The following TRIP12 variants were observed in gnomAD, a reference collection of about 807,000 sequenced individuals.
The protein encoded by TRIP12 is E3 ubiquitin-protein ligase TRIP12.
A neutral mutation model predicts 244.2 loss-of-function variants in TRIP12; 25 were observed. The observed-to-expected ratio is 0.10, with a 90% CI of 0.07 to 0.14. The LOEUF (loss-of-function observed/expected upper bound fraction) is 0.14. Among genes scored for constraint, TRIP12 ranks in the 10% least tolerant of loss-of-function variants. TRIP12 has a pLI of 1.00. For missense variants in TRIP12, 1,677 were observed against 2,486.4 expected (o/e 0.67, Z 6.92); for synonymous variants, 905 against 873.1 (o/e 1.04, Z -0.64).
At chr2:229,789,902 A>C in intron 30 of TRIP12, 140 bp from the exon 31 acceptor site, 1 of 899,486 alleles carries the variant, frequency 1.1e-6, no homozygotes, top group Non-Finnish European at 1.6e-6. Flanking sequence ...GGTATTGATA[A>C]GTTTGACAAT....
At chr2:229,860,832 C>T (rs1441917471) in intron 2 of TRIP12, among the ~76,000 whole-genome samples, 5 of 152,042 alleles carry the variant, frequency 3.3e-5, no homozygotes, top group Non-Finnish European at 5.9e-5. Flanking sequence ...AATTTTAGTG[C>T]AGATATTCAA....
At chr2:229,788,194 A>G (rs1314315807) in intron 32 of TRIP12, among the ~76,000 whole-genome samples, 1 of 152,232 alleles carries the variant, frequency 6.6e-6, no homozygotes, top group African/African-American at 2.4e-5. Flanking sequence ...TCAATGCAGA[A>G]TCTGATATTT....
At chr2:229,891,255 T>C (rs1402135007) in intron 1 of TRIP12, among the ~76,000 whole-genome samples, 1 of 150,756 alleles carries the variant, frequency 6.6e-6, no homozygotes, top group East Asian at 1.9e-4. Context: ...ACCCCCTCTC[T>C]ACCAAAAAAA....
intron 31 of TRIP12, among the ~76,000 whole-genome samples, chr2:229,789,211 A>T (rs549178617): frequency 6.6e-6 from 1 of 152,326 alleles, no homozygotes; most frequent in African/African-American, 2.4e-5. Context: ...TGTTGCAGCT[A>T]ATGTTTCATG....
intron 37 of TRIP12, among the ~76,000 whole-genome samples, chr2:229,775,016 G>A (rs1287995247): frequency 6.6e-6 from 1 of 152,066 alleles, no homozygotes; most frequent in Admixed American, 6.5e-5. Context: ...ATCTAAAACT[G>A]AAGACAACAA....
intron 17 of TRIP12, chr2:229,806,098 C>A (rs2045813393): frequency 2.5e-6 from 1 of 392,864 alleles, no homozygotes; most frequent in South Asian, 8.6e-5. Flanking sequence ...ATGCCTCAAG[C>A]CTTATCAGGG....
chr2:229,847,228 CA>C (rs1299129450), intron 4 of TRIP12, among the ~76,000 whole-genome samples: 1 of 152,206 alleles, frequency 6.6e-6, no homozygotes, highest in South Asian at 2.1e-4. Flanking sequence ...CACTCTATTA[CA>C]AAGTGTTTAG....
At chr2:229,770,908 C>A (rs1359469292) in intron 39 of TRIP12, among the ~76,000 whole-genome samples, 1 of 152,160 alleles carries the variant, frequency 6.6e-6, no homozygotes, top group Admixed American at 6.5e-5. Context: ...GCCTCCCCAG[C>A]CACGTGGAAC....
rs2041567744 is a variant in TRIP12 at position 229,791,656 on chromosome 2, A to G, written c.4415+210T>C. On this transcript the variant is annotated intron_variant, in intron 29 of 41. Transcript: ENST00000675903. ...CAGATGTAAACCATGATTACTGTCC[A>G]TGGATATACATTTTCCGGTAGAATG... 8.5e-6 allele frequency: 5 copies of G among 590,022 alleles called. No individual in the cohort carries two copies. The South Asian group carries it at 8.5e-5, about 10-fold the overall frequency. The allele number at this position is 590,022 out of a possible 1,614,324, so 36.5% of individuals were successfully genotyped here.
At chr2:229,918,674 TG>T (rs2075955723) in intron 1 of TRIP12, among the ~76,000 whole-genome samples, 1 of 152,162 alleles carries the variant, frequency 6.6e-6, no homozygotes, top group Non-Finnish European at 1.5e-5. Flanking sequence ...AAGACAAAAA[TG>T]AGACCCAAAT....
chr2:229,795,928 A>T (rs1442728498), intron 25 of TRIP12, among the ~76,000 whole-genome samples: 1 of 152,258 alleles, frequency 6.6e-6, no homozygotes, highest in Non-Finnish European at 1.5e-5. Context: ...CTGCAAGCGC[A>T]TGGTGAAATA....
chr2:229,823,674 C>CA (rs35324005), intron 8 of TRIP12, among the ~76,000 whole-genome samples: 30,584 of 134,770 alleles, frequency 0.23, 3,335 homozygotes, highest in Middle Eastern at 0.28. Context: ...GACTCTGTCT[C>CA]AAAAAAAAAA....
At chr2:229,884,528 C>T (rs1235000821) in intron 1 of TRIP12, among the ~76,000 whole-genome samples, 1 of 152,066 alleles carries the variant, frequency 6.6e-6, no homozygotes, top group Non-Finnish European at 1.5e-5. Flanking sequence ...TGGACCACTG[C>T]CTGTGCCTGG....
chr2:229,779,716 G>T (rs1041297422), intron 34 of TRIP12, among the ~76,000 whole-genome samples: 2 of 152,164 alleles, frequency 1.3e-5, no homozygotes, highest in African/African-American at 4.8e-5. Context: ...ATATAGGGGT[G>T]CCACGTCCTG....
chr2:229,901,678 G>GT (rs2070916738), intron 1 of TRIP12, among the ~76,000 whole-genome samples: 3 of 151,720 alleles, frequency 2.0e-5, no homozygotes, highest in South Asian at 4.2e-4. Context: ...CTTCAGAACA[G>GT]TTTTTTAGGA....
chr2:229,787,070 T>C (rs191320128), intron 33 of TRIP12, among the ~76,000 whole-genome samples: 6 of 152,284 alleles, frequency 3.9e-5, no homozygotes, highest in African/African-American at 1.2e-4. Flanking sequence ...TCAAAACATA[T>C]AAAGGATTTT....
chr2:229,866,759 A>C (rs768066815), intron 2 of TRIP12, among the ~76,000 whole-genome samples: 2 of 152,184 alleles, frequency 1.3e-5, no homozygotes, highest in Non-Finnish European at 2.9e-5. Context: ...GTAATCTACC[A>C]GGTACTCTCC....
In TRIP12 at chr2:229,799,387, T is replaced by G. The variant is rs1442003578; in HGVS notation, c.3207-4A>C. On this transcript the variant is annotated splice_region_variant and splice_polypyrimidine_tract_variant and intron_variant, in intron 21 of 41. Transcript: ENST00000675903. ...CTTTAGAACATCACTTAATCGACTGTCCATGGGAAAATATGAGATAAGTTT... is the reference window on the plus strand; with the variant it reads ...CTTTAGAACATCACTTAATCGACTGGCCATGGGAAAATATGAGATAAGTTT... The G allele has an allele frequency of 6.2e-7, 1 of 1,613,724 alleles. No individual in the cohort carries two copies. The highest frequency in any genetic ancestry group is 2.2e-5 in the East Asian group (1 of 44,886).
intron 1 of TRIP12, among the ~76,000 whole-genome samples, chr2:229,919,032 C>G (rs770075785): frequency 1.2e-4 from 19 of 152,156 alleles, no homozygotes; most frequent in Admixed American, 6.5e-4. Context: ...ATTTCCAAGC[C>G]AGTGATGTTT....
Sources: gnomAD v4.1 joint callset for allele counts (sites outside exome capture counted in the v4.1 genomes callset) on GRCh38, gnomAD v4.1.1 for gene constraint, MANE v1.5 for transcripts, NCBI Gene and HGNC (gene_info 2026-07-23, HGNC 2026-07-21) for gene names.